PLEKHG4B: variants seen among roughly 807,000 people sequenced by gnomAD.
The protein encoded by PLEKHG4B is pleckstrin homology and RhoGEF domain containing G4B.
PLEKHG4B carries 111 observed loss-of-function variants against 121.3 expected under a neutral mutation model. The observed-to-expected ratio is 0.92, with a 90% CI of 0.78 to 1.07. The LOEUF (loss-of-function observed/expected upper bound fraction) is 1.07, where lower values mean the gene tolerates loss of function less well. Among genes scored for constraint, PLEKHG4B ranks in the 50% least tolerant of loss-of-function variants. The pLI, the probability that PLEKHG4B is intolerant of heterozygous loss-of-function variation, is 0.00. For missense variants in PLEKHG4B, 1,831 were observed against 1,757.8 expected, an observed-to-expected ratio of 1.04 and a Z score of -0.74; for synonymous variants, 738 against 725.0, an observed-to-expected ratio of 1.02 and a Z score of -0.29.
chr5:186,150 G>A lies in PLEKHG4B; in HGVS notation c.*3827G>A, dbSNP rs1560963768. On this transcript the variant is annotated 3_prime_UTR_variant, in exon 20 of 20. Transcript: ENST00000637938. Reference sequence around the variant, plus strand: ...TTCTCGTGCACTCCAAACTGTCCTGGAGCCAGCCCTGGTGTGAAACAGAGG... The same window carrying A: ...TTCTCGTGCACTCCAAACTGTCCTGAAGCCAGCCCTGGTGTGAAACAGAGG... 2 of 152,120 alleles carry A rather than the reference G, an allele frequency of 1.3e-5. No individual in the cohort carries two copies. Among genetic ancestry groups the A allele is most frequent in the Non-Finnish European group, 2.9e-5 (2 of 68,024 alleles). The allele number at this position is 152,120 out of a possible 1,614,324, so 9.4% of individuals were successfully genotyped here.
rs1362569316 is a variant in PLEKHG4B, at chr5:169,597, G to A, written c.3729+5G>A. 1 of 1,612,192 alleles carries A rather than the reference G, an allele frequency of 6.2e-7. No individual in the cohort carries two copies. Among genetic ancestry groups the A allele is most frequent in the Non-Finnish European group, 8.5e-7 (1 of 1,179,840 alleles). ...GGCCGCAGTTTCCTGAGACACGTAA[G>A]TGCAGGCCATGGCGTGGGTGCCGGG... is the stretch of plus-strand genomic sequence containing the variant. On this transcript the variant is annotated splice_donor_5th_base_variant and intron_variant, in intron 14 of 19. Transcript: ENST00000637938.
At position 182,080 on chromosome 5, in the gene PLEKHG4B, C is replaced by A; in HGVS notation, c.4641C>A (p.Ile1547=). The A allele has an allele frequency of 6.2e-7, 1 of 1,614,194 alleles. No homozygotes were observed. The part of the protein sequence containing the change: ...AAPFKRPHST[I]SDSSTSSSSS... ...CCTTCAAGCGACCACACTCCACCATCTCAGACAGCAGCACCTCCTCTTCTA... is the reference window on the plus strand; with the variant it reads ...CCTTCAAGCGACCACACTCCACCATATCAGACAGCAGCACCTCCTCTTCTA... The change falls in exon 20 of 20, where the codon ATC becomes ATA. Residue 1547 remains isoleucine (I), a synonymous_variant. Transcript: ENST00000637938.
In PLEKHG4B at chr5:159,740, A is replaced by C. The variant is rs1034772379; in HGVS notation, c.2488-2043A>C. Among the ~76,000 whole-genome samples, 7 of 152,088 alleles carry C rather than the reference A, an allele frequency of 4.6e-5. No homozygotes were observed. The highest frequency in any genetic ancestry group is 1.4e-4 in the African/African-American group (6 of 41,408). Reference sequence around the variant, plus strand: ...ATTCTTTTCCTCTAATCCCGGCCTGAAAGGAGAGCCTGGCCGTAGCTCAGT... The same window carrying C: ...ATTCTTTTCCTCTAATCCCGGCCTGCAAGGAGAGCCTGGCCGTAGCTCAGT... On this transcript the variant is annotated intron_variant, in intron 11 of 19. Coordinates refer to ENST00000637938, the MANE Select transcript of PLEKHG4B (RefSeq NM_052909.5). This position sits in a 1 kb window ranked among gnomAD's most constrained non-coding sequence, Gnocchi z 5.5.
intron 13 of PLEKHG4B, among the ~76,000 whole-genome samples, chr5:165,141 G>A (rs1287822887): frequency 8.9e-6 from 1 of 112,126 alleles, no homozygotes; most frequent in Non-Finnish European, 2.0e-5. Flanking sequence ...TGCTGTGACG[G>A]GGCGGAGCTC....
At chr5:118,171 A>G (rs1283850055) in intron 2 of PLEKHG4B, among the ~76,000 whole-genome samples, 1 of 152,210 alleles carries the variant, frequency 6.6e-6, no homozygotes, top group Non-Finnish European at 1.5e-5. Flanking sequence ...CAATAATAAT[A>G]CTAGTAACAA....
Position 188,529 on chromosome 5 carries a change from AAT to A in PLEKHG4B, c.*6207_*6208del, listed in dbSNP as rs1733691971. On this transcript the variant is annotated 3_prime_UTR_variant, in exon 20 of 20. Transcript: ENST00000637938. ...GGTTCTGTGTGCCTGTGACATAGAGAATGTTTTCCACACCGCGTGTGAAATGA... is the reference window on the plus strand; with the variant it reads ...GGTTCTGTGTGCCTGTGACATAGAGAGTTTTCCACACCGCGTGTGAAATGA... 6.6e-6 allele frequency: 1 copy of A among 152,170 alleles called. No homozygotes were observed. Among genetic ancestry groups the A allele is most frequent in the Non-Finnish European group, 1.5e-5 (1 of 68,034 alleles). The allele number at this position is 152,170 out of a possible 1,614,324, so 9.4% of individuals were successfully genotyped here. A position where few individuals can be genotyped will look rare whatever the true frequency, so the allele number is the denominator to read the frequency against.
At position 169,717 on chromosome 5, in the gene PLEKHG4B, G is replaced by A. The variant is rs75589284; in HGVS notation, c.3729+125G>A. The A allele has an allele frequency of 1.8e-4, 253 of 1,398,544 alleles. 5 individuals are homozygous for A. The East Asian group carries it at 5.8e-3, about 32-fold the overall frequency. 86.6% of individuals were successfully genotyped at this position (1,398,544 alleles called of 1,614,324 possible). On this transcript the variant is annotated intron_variant, in intron 14 of 19. Transcript: ENST00000637938. ...AGCTTCAGTCCAGGTCTAGGAGCTGGTCCTGACAGGATGTTAAGACCAGCC... is the reference window on the plus strand; with the variant it reads ...AGCTTCAGTCCAGGTCTAGGAGCTGATCCTGACAGGATGTTAAGACCAGCC...
intron 16 of PLEKHG4B, among the ~76,000 whole-genome samples, chr5:172,312 G>A (rs1188075774): frequency 7.9e-5 from 12 of 152,340 alleles, no homozygotes; most frequent in Non-Finnish European, 1.2e-4. Context: ...CCCGTCATGC[G>A]GGTAAATTCC....
chr5:157,718 TTC>T lies in PLEKHG4B; in HGVS notation c.2487+809_2487+810del, dbSNP rs1325621814. ...AGGGGTGCACACTCAGATAAAAAGT[TTC>T]TTTCTTTTCTCACATATAAACTCTT... On this transcript the variant is annotated intron_variant, in intron 11 of 19. Coordinates refer to ENST00000637938, the MANE Select transcript of PLEKHG4B (RefSeq NM_052909.5). The surrounding 1 kb of genome is among the most constrained non-coding windows in gnomAD (Gnocchi z 4.6). Among the ~76,000 whole-genome samples, 13 of 152,312 alleles carry T rather than the reference TTC, an allele frequency of 8.5e-5. No homozygotes were observed. The highest frequency in any genetic ancestry group is 7.8e-4 in the Admixed American group (12 of 15,306).
intron 6 of PLEKHG4B, among the ~76,000 whole-genome samples, chr5:145,891 T>C (rs1290396818): frequency 1.3e-5 from 2 of 152,012 alleles, no homozygotes; most frequent in African/African-American, 2.4e-5. Flanking sequence ...CTGTCCCTGC[T>C]GAAGACGGAG....
rs1310239210 is a variant in PLEKHG4B at position 143,140 on chromosome 5, C to G, written c.1571C>G (p.Pro524Arg). Residue 524 changes from proline to arginine, a missense_variant, in exon 4 of 20, where the codon CCA (proline) becomes CGA (arginine). Physicochemically the swap from Pro to Arg is moderately radical, Grantham distance 103. Transcript: ENST00000637938. ...CCTTCCGATGTGCCTGCCCGGCAGC[C>G]ACACCCCGAGCAAGAAGGGTGGCCA... ...SGPSDVPARQPHPEQEGWPPG... is the reference protein window; with the variant it reads ...SGPSDVPARQRHPEQEGWPPG... 6.2e-7 allele frequency: 1 copy of G among 1,612,728 alleles called. No homozygotes were observed. The highest frequency in any genetic ancestry group is 1.1e-5 in the South Asian group (1 of 91,078).
At chr5:122,341 T>C (rs1357151275) in intron 2 of PLEKHG4B, among the ~76,000 whole-genome samples, 3 of 152,126 alleles carry the variant, frequency 2.0e-5, no homozygotes, top group African/African-American at 7.2e-5. Context: ...AAGGCAGAAA[T>C]GGACAGACTC....
chr5:109,029 AC>A (rs1734058599), intron 1 of PLEKHG4B, among the ~76,000 whole-genome samples: 1 of 152,046 alleles, frequency 6.6e-6, no homozygotes, highest in South Asian at 2.1e-4. Context: ...CTCATTCACC[AC>A]CCTGCTGTGC....
At chr5:164,765 C>T (rs1342767777) in intron 13 of PLEKHG4B, among the ~76,000 whole-genome samples, 16 of 100,312 alleles carry the variant, frequency 1.6e-4, no homozygotes, top group East Asian at 9.1e-4. Context: ...AATCCTCTGA[C>T]GGGGCGGAGC....
intron 1 of PLEKHG4B, among the ~76,000 whole-genome samples, chr5:110,693 A>G (rs1344804139): frequency 1.3e-5 from 2 of 150,214 alleles, no homozygotes; most frequent in African/African-American, 4.9e-5. Flanking sequence ...TCTGCAGCAC[A>G]CGTGCACACA....
chr5:166,944 A>G (rs967239165), intron 13 of PLEKHG4B, among the ~76,000 whole-genome samples: 1 of 152,148 alleles, frequency 6.6e-6, no homozygotes, highest in African/African-American at 2.4e-5. Flanking sequence ...CGTAAGAGGA[A>G]CGCCAAGCGC....
chr5:134,622 C>T (rs1300537787), intron 2 of PLEKHG4B, among the ~76,000 whole-genome samples: 3 of 151,636 alleles, frequency 2.0e-5, no homozygotes, highest in African/African-American at 7.3e-5. Context: ...AAAAATTAGC[C>T]AGGTATGGTG....
intron 2 of PLEKHG4B, among the ~76,000 whole-genome samples, chr5:134,778 A>AAGC (rs1734901581): frequency 9.7e-6 from 1 of 103,236 alleles, no homozygotes; most frequent in African/African-American, 5.7e-5. Flanking sequence ...AAAAAAAAAA[A>AAGC]AAAGAAAAGA....
intron 3 of PLEKHG4B, among the ~76,000 whole-genome samples, chr5:142,804 G>GT (rs1346791733): frequency 6.6e-6 from 1 of 152,264 alleles, no homozygotes; most frequent in Non-Finnish European, 1.5e-5. Context: ...TCTGCAGGTA[G>GT]TGAGCATGTC....
Sources: gnomAD v4.1 joint callset for allele counts (sites outside exome capture counted in the v4.1 genomes callset) on GRCh38, gnomAD v4.1.1 for gene constraint, Gnocchi (gnomAD v3.1) non-coding constraint, MANE v1.5 for transcripts, NCBI Gene and HGNC (gene_info 2026-07-23, HGNC 2026-07-21) for gene names.